KCNQ1OT1: variants seen among roughly 807,000 people sequenced by gnomAD.
The protein encoded by KCNQ1OT1 is KCNQ1 antisense RNA 2 (non-protein coding).
At chr11:2,685,818 A>G (rs1850478669) in exon 1 of KCNQ1OT1, 2 of 398,582 alleles carry the variant, frequency 5.0e-6, no homozygotes. Flanking sequence ...TGCGATTCCT[A>G]CTAGAACGAG....
In KCNQ1OT1 at chr11:2,617,330, C is replaced by T; in HGVS notation, n.82665G>A. ...TACATATAGGTGAGATTATTTAAAA[C>T]TTTTCATTTGTATATGGCTTATTTA... On this transcript the variant is annotated non_coding_transcript_exon_variant, in exon 1 of 1. Transcript: ENST00000597346. The surrounding 1 kb of genome is among the most constrained non-coding windows in gnomAD (Gnocchi z 4.6). The T allele has an allele frequency of 5.0e-6, 2 of 398,310 alleles. No homozygotes were observed. Among genetic ancestry groups the T allele is most frequent in the Non-Finnish European group, 8.9e-6 (2 of 225,892 alleles). 24.7% of individuals were successfully genotyped at this position (398,310 alleles called of 1,614,324 possible).
chr11:2,671,286 C>A lies in KCNQ1OT1; in HGVS notation n.28709G>T, dbSNP rs1384795733. The A allele has an allele frequency of 1.0e-5, 4 of 398,512 alleles. No individual in the cohort carries two copies. The highest frequency in any genetic ancestry group is 8.2e-5 in the African/African-American group (4 of 48,630). 24.7% of individuals were successfully genotyped at this position (398,512 alleles called of 1,614,324 possible). ...CATCCCCAGCCCCTTAGCCTCTGAT[C>A]TTCTCCATAAGTAATCTTTTCCCAT... is the stretch of plus-strand genomic sequence containing the variant. On this transcript the variant is annotated non_coding_transcript_exon_variant, in exon 1 of 1. Transcript: ENST00000597346. The surrounding 1 kb of genome is among the most constrained non-coding windows in gnomAD (Gnocchi z 4.7).
chr11:2,656,189 C>T, exon 1 of KCNQ1OT1: 1 of 398,566 alleles, frequency 2.5e-6, no homozygotes, highest in Non-Finnish European at 4.4e-6. Context: ...TTCTTCCTTC[C>T]TTTAAAAAAA....
Position 2,677,816 on chromosome 11 carries a change from T to A in KCNQ1OT1, n.22179A>T. 2.5e-6 allele frequency: 1 copy of A among 398,558 alleles called. No individual in the cohort carries two copies. The highest frequency in any genetic ancestry group is 4.4e-6 in the Non-Finnish European group (1 of 226,042). 24.7% of individuals were successfully genotyped at this position (398,558 alleles called of 1,614,324 possible). The stretch of plus-strand genomic sequence containing the variant: ...GCAGGATTAAAATGTTCATTTATGT[T>A]GTGATAGATACTGCCAAATAAGGGC... On this transcript the variant is annotated non_coding_transcript_exon_variant, in exon 1 of 1. Transcript: ENST00000597346. The surrounding 1 kb of genome is among the most constrained non-coding windows in gnomAD (Gnocchi z 4.5).
chr11:2,667,034 G>A (rs556194717), exon 1 of KCNQ1OT1: 18 of 398,544 alleles, frequency 4.5e-5, no homozygotes, highest in Non-Finnish European at 7.5e-5. Context: ...GCCCCACATA[G>A]CCCCAGCCAG....
Position 2,696,575 on chromosome 11 carries a change from A to C in KCNQ1OT1, n.3420T>G, listed in dbSNP as rs190538266. ...TTTTCTTCCACATACATTTTAGAAT[A>C]TGTTTGTTAAATTACTCAAGCCCTC... On this transcript the variant is annotated non_coding_transcript_exon_variant, in exon 1 of 1. Transcript: ENST00000597346. 3.3e-4 allele frequency: 130 copies of C among 398,656 alleles called. No individual in the cohort carries two copies. The East Asian group carries it at 4.6e-3, about 14-fold the overall frequency. The allele number at this position is 398,656 out of a possible 1,614,324, so 24.7% of individuals were successfully genotyped here.
rs1243372095 is a variant in KCNQ1OT1, at chr11:2,679,340, A to G, written n.20655T>C. The stretch of plus-strand genomic sequence containing the variant: ...TCTGAACTCATATCCTAATTCCACT[A>G]CTTTCTACCTGCTACACCTTGAGTG... On this transcript the variant is annotated non_coding_transcript_exon_variant, in exon 1 of 1. Transcript: ENST00000597346. The surrounding 1 kb of genome is among the most constrained non-coding windows in gnomAD (Gnocchi z 4.8). 2.8e-5 allele frequency: 11 copies of G among 398,464 alleles called. No individual in the cohort carries two copies. The highest frequency in any genetic ancestry group is 4.1e-5 in the African/African-American group (2 of 48,598). 24.7% of individuals were successfully genotyped at this position (398,464 alleles called of 1,614,324 possible).
Position 2,698,963 on chromosome 11 carries a change from G to A in KCNQ1OT1, n.1032C>T. 2 of 398,580 alleles carry A rather than the reference G, an allele frequency of 5.0e-6. No homozygotes were observed. Among genetic ancestry groups the A allele is most frequent in the Non-Finnish European group, 8.8e-6 (2 of 226,068 alleles). The allele number at this position is 398,580 out of a possible 1,614,324, so 24.7% of individuals were successfully genotyped here. A position where few individuals can be genotyped will look rare whatever the true frequency, so the allele number is the denominator to read the frequency against. The stretch of plus-strand genomic sequence containing the variant: ...GATCCCAACTAGGATACCTAACTCA[G>A]AACCACAACGGGGATTCCCACCTCC... On this transcript the variant is annotated non_coding_transcript_exon_variant, in exon 1 of 1. Transcript: ENST00000597346. The surrounding 1 kb of genome is among the most constrained non-coding windows in gnomAD (Gnocchi z 5.1).
chr11:2,662,026 G>GAGGACC, exon 1 of KCNQ1OT1: 2 of 1,614,208 alleles, frequency 1.2e-6, no homozygotes, highest in Non-Finnish European at 1.7e-6. Flanking sequence ...CAGCTTCGCC[G>GAGGACC]AGGACCTGGA....
exon 1 of KCNQ1OT1, chr11:2,618,729 G>A (rs895884385): frequency 2.5e-6 from 1 of 398,452 alleles, no homozygotes; most frequent in Non-Finnish European, 4.4e-6. Flanking sequence ...AATTTTCCAT[G>A]GGATTTTGAT....
exon 1 of KCNQ1OT1, chr11:2,685,700 C>T (rs1029119548): frequency 1.3e-5 from 5 of 398,512 alleles, no homozygotes; most frequent in African/African-American, 1.0e-4. Flanking sequence ...GGCCTTCGGT[C>T]TGGGACCCCA....
In KCNQ1OT1 at chr11:2,698,380, A is replaced by G; in HGVS notation, n.1615T>C. The G allele has an allele frequency of 2.5e-6, 1 of 398,576 alleles. No individual in the cohort carries two copies. The highest frequency in any genetic ancestry group is 4.4e-6 in the Non-Finnish European group (1 of 226,064). 24.7% of individuals were successfully genotyped at this position (398,576 alleles called of 1,614,324 possible). A position where few individuals can be genotyped will look rare whatever the true frequency, so the allele number is the denominator to read the frequency against. The stretch of plus-strand genomic sequence containing the variant: ...AAAAGGCTATTTGACCTGCTCAGGG[A>G]CCACAGTGGGGTACTGGGATCTGAA... On this transcript the variant is annotated non_coding_transcript_exon_variant, in exon 1 of 1. Coordinates refer to ENST00000597346, the Ensembl canonical transcript of KCNQ1OT1. The surrounding 1 kb of genome is among the most constrained non-coding windows in gnomAD (Gnocchi z 5.1).
In KCNQ1OT1 at chr11:2,621,674, T is replaced by C. The variant is rs987131499; in HGVS notation, n.78321A>G. The C allele has an allele frequency of 1.3e-5, 5 of 398,406 alleles. No individual in the cohort carries two copies. The highest frequency in any genetic ancestry group is 2.2e-5 in the Non-Finnish European group (5 of 226,040). The allele number at this position is 398,406 out of a possible 1,614,324, so 24.7% of individuals were successfully genotyped here. Reference sequence around the variant, plus strand: ...GGTTATCCAATTTGTTGGGATATAATTGTTCATAAAAGTCCCTTATGATCC... The same window carrying C: ...GGTTATCCAATTTGTTGGGATATAACTGTTCATAAAAGTCCCTTATGATCC... On this transcript the variant is annotated non_coding_transcript_exon_variant, in exon 1 of 1. Transcript: ENST00000597346. The surrounding 1 kb of genome is among the most constrained non-coding windows in gnomAD (Gnocchi z 5.7).
chr11:2,685,948 C>G (rs932514268), exon 1 of KCNQ1OT1: 1 of 398,660 alleles, frequency 2.5e-6, no homozygotes, highest in African/African-American at 2.1e-5. Context: ...CATCCTCCTG[C>G]TGGGTCACAC....
rs1849908923 is a variant in KCNQ1OT1 at position 2,659,285 on chromosome 11, A to C, written n.40710T>G. ...AAGTACTTCTCCCCTAACCACTGGC[A>C]GCTATTGATCTGTTTTATGTCCCTG... On this transcript the variant is annotated non_coding_transcript_exon_variant, in exon 1 of 1. Transcript: ENST00000597346. This position sits in a 1 kb window ranked among gnomAD's most constrained non-coding sequence, Gnocchi z 4.3. 1 of 398,514 alleles carries C rather than the reference A, an allele frequency of 2.5e-6. No homozygotes were observed. The highest frequency in any genetic ancestry group is 1.3e-4 in the South Asian group (1 of 7,866). The allele number at this position is 398,514 out of a possible 1,614,324, so 24.7% of individuals were successfully genotyped here. A position where few individuals can be genotyped will look rare whatever the true frequency, so the allele number is the denominator to read the frequency against.
Position 2,657,969 on chromosome 11 carries a change from T to G in KCNQ1OT1, n.42026A>C, listed in dbSNP as rs991356961. 4 of 398,500 alleles carry G rather than the reference T, an allele frequency of 1.0e-5. No homozygotes were observed. The Admixed American group carries it at 1.3e-4, about 13-fold the overall frequency. The allele number at this position is 398,500 out of a possible 1,614,324, so 24.7% of individuals were successfully genotyped here. ...ACCTTGAGCCACTCGTTTAAAGTGG[T>G]GTCGGCCAGGCTCCTCCACTGTAAG... On this transcript the variant is annotated non_coding_transcript_exon_variant, in exon 1 of 1. Coordinates refer to ENST00000597346, the Ensembl canonical transcript of KCNQ1OT1. This position sits in a 1 kb window ranked among gnomAD's most constrained non-coding sequence, Gnocchi z 4.8.
At chr11:2,633,298 G>T (rs1849394676) in exon 1 of KCNQ1OT1, 5 of 398,314 alleles carry the variant, frequency 1.3e-5, no homozygotes, top group Non-Finnish European at 2.2e-5. Flanking sequence ...TCCCTTGTCA[G>T]ATGAATATTT....
Position 2,682,328 on chromosome 11 carries a change from G to A in KCNQ1OT1, n.17667C>T, listed in dbSNP as rs186403060. 2.4e-4 allele frequency: 96 copies of A among 398,610 alleles called. No individual in the cohort carries two copies. Among genetic ancestry groups the A allele is most frequent in the African/African-American group, 1.9e-3 (92 of 48,742 alleles). The allele number at this position is 398,610 out of a possible 1,614,324, so 24.7% of individuals were successfully genotyped here. A position where few individuals can be genotyped will look rare whatever the true frequency, so the allele number is the denominator to read the frequency against. ...TCCCATTCTTAATGTGTAACTGTGTGTTTATTTGTGGTAAAGGGTTTACTG... is the reference window on the plus strand; with the variant it reads ...TCCCATTCTTAATGTGTAACTGTGTATTTATTTGTGGTAAAGGGTTTACTG... On this transcript the variant is annotated non_coding_transcript_exon_variant, in exon 1 of 1. Transcript: ENST00000597346. The surrounding 1 kb of genome is among the most constrained non-coding windows in gnomAD (Gnocchi z 5.8).
Position 2,687,982 on chromosome 11 carries a change from G to T in KCNQ1OT1, n.12013C>A. On this transcript the variant is annotated non_coding_transcript_exon_variant, in exon 1 of 1. Coordinates refer to ENST00000597346, the Ensembl canonical transcript of KCNQ1OT1. This position sits in a 1 kb window ranked among gnomAD's most constrained non-coding sequence, Gnocchi z 5.0. Reference sequence around the variant, plus strand: ...AGGCCGCTGCTTCCTGCTTCCCTTTGATGTCTCCTCGTGCGAGGGAGGGGT... The same window carrying T: ...AGGCCGCTGCTTCCTGCTTCCCTTTTATGTCTCCTCGTGCGAGGGAGGGGT... 5.0e-6 allele frequency: 2 copies of T among 398,772 alleles called. No homozygotes were observed. Among genetic ancestry groups the T allele is most frequent in the Non-Finnish European group, 8.8e-6 (2 of 226,172 alleles). The allele number at this position is 398,772 out of a possible 1,614,324, so 24.7% of individuals were successfully genotyped here.
Sources: allele counts gnomAD v4.1 joint callset, GRCh38; gene constraint gnomAD v4.1.1; non-coding constraint Gnocchi (gnomAD v3.1); transcripts MANE v1.5; gene names NCBI Gene and HGNC (gene_info 2026-07-23, HGNC 2026-07-21).